Variants in PTPRG observed in about 807,000 individuals in gnomAD.
The protein encoded by PTPRG is protein tyrosine phosphatase receptor type G.
PTPRG carries 102 observed loss-of-function variants against 165.3 expected under a neutral mutation model. That is an observed-to-expected ratio of 0.62 (90% CI 0.53 to 0.73). The LOEUF (loss-of-function observed/expected upper bound fraction) is 0.73, where lower values mean the gene tolerates loss of function less well. PTPRG is among the 30% of genes least tolerant of loss of function. The pLI, the probability that PTPRG is intolerant of heterozygous loss-of-function variation, is 0.00. For synonymous variants in PTPRG, 675 were observed against 669.5 expected (o/e 1.01, Z -0.13); for missense variants, 1,866 against 1,861.4 (o/e 1.00, Z -0.05).
intron 2 of PTPRG, among the ~76,000 whole-genome samples, chr3:61,832,631 C>T (rs2036330240): frequency 6.6e-6 from 1 of 152,242 alleles, no homozygotes. Flanking sequence ...CATTTTATAG[C>T]TGAGAAAACT....
At chr3:61,664,949 T>C (rs1303118302) in intron 1 of PTPRG, among the ~76,000 whole-genome samples, 1 of 152,244 alleles carries the variant, frequency 6.6e-6, no homozygotes, top group Non-Finnish European at 1.5e-5. Context: ...ATCCCCTGTT[T>C]TGGTTCAGAA....
At chr3:61,958,401 C>G (rs2040081278) in intron 2 of PTPRG, among the ~76,000 whole-genome samples, 1 of 152,164 alleles carries the variant, frequency 6.6e-6, no homozygotes, top group Admixed American at 6.5e-5. Context: ...TCCCAAAGTG[C>G]TGGGATTGTA....
intron 4 of PTPRG, among the ~76,000 whole-genome samples, chr3:62,029,602 A>G (rs554734679): frequency 7.9e-4 from 120 of 152,322 alleles, no homozygotes; most frequent in African/African-American, 2.5e-3. Flanking sequence ...TTAAAAACAC[A>G]TAAATTAAAA....
chr3:61,610,852 G>A (rs112688155), intron 1 of PTPRG, among the ~76,000 whole-genome samples: 4,477 of 146,828 alleles, frequency 0.03, 227 homozygotes, highest in African/African-American at 0.11. Flanking sequence ...TGTTGCCCAG[G>A]CTGGAGTGCA....
chr3:61,887,743 T>G (rs546307211), intron 2 of PTPRG, among the ~76,000 whole-genome samples: 12 of 151,434 alleles, frequency 7.9e-5, no homozygotes, highest in African/African-American at 2.7e-4. Flanking sequence ...GGCTGATGGT[T>G]AAATCATCCA....
At chr3:62,066,022 G>A (rs1242718723) in intron 4 of PTPRG, among the ~76,000 whole-genome samples, 1 of 152,160 alleles carries the variant, frequency 6.6e-6, no homozygotes, top group Non-Finnish European at 1.5e-5. Flanking sequence ...GCATTCAGCT[G>A]TATAGTGCAA....
At chr3:62,209,287 T>C (rs1434593133) in intron 12 of PTPRG, among the ~76,000 whole-genome samples, 1 of 152,128 alleles carries the variant, frequency 6.6e-6, no homozygotes, top group Non-Finnish European at 1.5e-5. Flanking sequence ...CTAAACGTCA[T>C]ATGGCGCACA....
intron 2 of PTPRG, among the ~76,000 whole-genome samples, chr3:61,907,224 G>GTT (rs1348451525): frequency 3.3e-5 from 5 of 151,732 alleles, no homozygotes; most frequent in African/African-American, 9.7e-5. Flanking sequence ...TTAATGCCTG[G>GTT]TTTATACTCT....
intron 1 of PTPRG, among the ~76,000 whole-genome samples, chr3:61,648,157 C>T (rs150350864): frequency 6.6e-6 from 1 of 152,326 alleles, no homozygotes; most frequent in African/African-American, 2.4e-5. Flanking sequence ...GAGACTACTG[C>T]AGGGTGTTGT....
intron 2 of PTPRG, among the ~76,000 whole-genome samples, chr3:61,820,813 T>G (rs1255078606): frequency 6.6e-6 from 1 of 152,020 alleles, no homozygotes; most frequent in Non-Finnish European, 1.5e-5. Context: ...GTGACCGCAG[T>G]GAGAAATTGT....
intron 1 of PTPRG, among the ~76,000 whole-genome samples, chr3:61,726,603 C>T (rs1200977993): frequency 1.3e-5 from 2 of 152,188 alleles, no homozygotes; most frequent in Non-Finnish European, 2.9e-5. Context: ...ATTATATCTT[C>T]TCCAATGCAT....
chr3:61,685,255 G>C (rs898917662), intron 1 of PTPRG, among the ~76,000 whole-genome samples: 1 of 152,232 alleles, frequency 6.6e-6, no homozygotes. Context: ...GCAAACAGGC[G>C]CACTGATGGA....
chr3:61,771,192 C>G (rs950258963), intron 2 of PTPRG: 1 of 152,074 alleles, frequency 6.6e-6, no homozygotes, highest in Non-Finnish European at 1.5e-5. Flanking sequence ...AAGATGCATT[C>G]TAATGGATCT....
intron 2 of PTPRG, among the ~76,000 whole-genome samples, chr3:61,891,963 A>G (rs2038226117): frequency 1.3e-5 from 2 of 152,088 alleles, no homozygotes; most frequent in South Asian, 4.1e-4. Context: ...AAATAAATTT[A>G]ATCTTTAAAA....
At chr3:61,707,298 G>A (rs1007155859) in intron 1 of PTPRG, among the ~76,000 whole-genome samples, 5 of 152,162 alleles carry the variant, frequency 3.3e-5, no homozygotes, top group African/African-American at 1.2e-4. Context: ...AGAACCAACG[G>A]GATCTATATG....
At chr3:61,576,972 C>T (rs1032723066) in intron 1 of PTPRG, among the ~76,000 whole-genome samples, 2 of 152,156 alleles carry the variant, frequency 1.3e-5, no homozygotes, top group African/African-American at 4.8e-5. Flanking sequence ...GAAGTGACAC[C>T]TTTCTGAATT....
At chr3:61,703,452 G>T (rs2031084331) in intron 1 of PTPRG, among the ~76,000 whole-genome samples, 1 of 152,184 alleles carries the variant, frequency 6.6e-6, no homozygotes, top group Non-Finnish European at 1.5e-5. Context: ...TTATTTCGTA[G>T]TATGGGCATT....
In PTPRG at chr3:61,680,037, A is replaced by G. The variant is rs190872788; in HGVS notation, c.86-68841A>G. Reference sequence around the variant, plus strand: ...TACTAATTAGACATTAAAACTTCCTATTCTCTCAATCCCAAAGCAAAACTG... The same window carrying G: ...TACTAATTAGACATTAAAACTTCCTGTTCTCTCAATCCCAAAGCAAAACTG... On this transcript the variant is annotated intron_variant, in intron 1 of 29. Transcript: ENST00000474889. 5.3e-5 allele frequency among the ~76,000 whole-genome samples: 8 copies of G among 152,274 alleles called. No homozygotes were observed. The East Asian group carries it at 1.4e-3, about 26-fold the overall frequency.
chr3:62,260,667 G>A (rs1387906258), intron 16 of PTPRG, among the ~76,000 whole-genome samples: 4 of 152,146 alleles, frequency 2.6e-5, no homozygotes, highest in Non-Finnish European at 4.4e-5. Flanking sequence ...CCATTGGCCA[G>A]TGTCTCTTTA....
Sources: allele counts gnomAD v4.1 joint callset (sites outside exome capture counted in the v4.1 genomes callset), GRCh38; gene constraint gnomAD v4.1.1; transcripts MANE v1.5; gene names NCBI Gene and HGNC (gene_info 2026-07-23, HGNC 2026-07-21).